SPATA16: variants seen among roughly 807,000 people sequenced by gnomAD.
SPATA16 encodes the protein spermatogenesis associated 16.
In SPATA16, 36 loss-of-function variants were observed where a neutral mutation model predicts 63.3. The observed-to-expected ratio is 0.57, with a 90% CI of 0.44 to 0.75. The LOEUF (loss-of-function observed/expected upper bound fraction) is 0.75, where lower values mean the gene tolerates loss of function less well. Ranked by LOEUF, SPATA16 falls within the 30% of genes least tolerant of loss-of-function variation. The probability of loss-of-function intolerance (pLI) is 0.00; values close to 1 mark genes in which losing one functional copy is unlikely to be tolerated. For missense variants in SPATA16, 646 were observed against 679.3 expected (o/e 0.95, Z 0.54); for synonymous variants, 203 against 216.7 (o/e 0.94, Z 0.56).
At chr3:172,984,915 A>C (rs962710873) in intron 4 of SPATA16, among the ~76,000 whole-genome samples, 7 of 152,188 alleles carry the variant, frequency 4.6e-5, no homozygotes, top group African/African-American at 1.7e-4. Context: ...CATCTCATTT[A>C]ATTCCTAAAA....
intron 4 of SPATA16, among the ~76,000 whole-genome samples, chr3:173,010,387 TC>T: frequency 6.6e-6 from 1 of 151,934 alleles, no homozygotes; most frequent in Non-Finnish European, 1.5e-5. Context: ...TGGTTGGGGC[TC>T]CCAGCATAGC....
chr3:173,135,998 C>T (rs1424795936), intron 1 of SPATA16, among the ~76,000 whole-genome samples: 1 of 152,208 alleles, frequency 6.6e-6, no homozygotes, highest in Non-Finnish European at 1.5e-5. Context: ...TCTGAGTTTT[C>T]CTAAGGCAAG....
chr3:173,086,161 G>T (rs1737046369), intron 2 of SPATA16, among the ~76,000 whole-genome samples: 1 of 152,014 alleles, frequency 6.6e-6, no homozygotes, highest in Non-Finnish European at 1.5e-5. Context: ...AATCTGCCTT[G>T]TCCTGGGCTT....
At chr3:173,023,141 G>GTT (rs199946084) in intron 3 of SPATA16, among the ~76,000 whole-genome samples, 1,599 of 146,068 alleles carry the variant, frequency 0.011, 33 homozygotes, top group African/African-American at 0.038. Flanking sequence ...TTGTGTATGT[G>GTT]TGTGTGTGTG....
intron 10 of SPATA16, among the ~76,000 whole-genome samples, chr3:172,891,229 A>G (rs1273170107): frequency 6.6e-6 from 1 of 152,186 alleles, no homozygotes; most frequent in Non-Finnish European, 1.5e-5. Flanking sequence ...TACAATTCTA[A>G]TGCAGCAAAA....
At chr3:173,134,119 T>C (rs1176535701) in intron 1 of SPATA16, among the ~76,000 whole-genome samples, 1 of 152,184 alleles carries the variant, frequency 6.6e-6, no homozygotes, top group Non-Finnish European at 1.5e-5. Context: ...GATGCAAGGA[T>C]AAATTACACC....
At chr3:172,987,928 C>T (rs563943397) in intron 4 of SPATA16, among the ~76,000 whole-genome samples, 1 of 152,138 alleles carries the variant, frequency 6.6e-6, no homozygotes, top group East Asian at 1.9e-4. Context: ...CTGATCTCTG[C>T]TTGGGTAGGA....
At chr3:173,123,662 G>T (rs1336351074) in intron 1 of SPATA16, among the ~76,000 whole-genome samples, 1 of 148,256 alleles carries the variant, frequency 6.7e-6, no homozygotes, top group Non-Finnish European at 1.5e-5. Context: ...GGAGTGCAAT[G>T]GTGTGATCTC....
At chr3:172,892,684 C>G (rs1199577414) in intron 10 of SPATA16, among the ~76,000 whole-genome samples, 1 of 151,946 alleles carries the variant, frequency 6.6e-6, no homozygotes, top group Non-Finnish European at 1.5e-5. Flanking sequence ...ACTAGAAGAA[C>G]AGATTGCAAA....
chr3:173,054,649 G>C (rs1217036060), intron 2 of SPATA16, among the ~76,000 whole-genome samples: 1 of 152,034 alleles, frequency 6.6e-6, no homozygotes, highest in Non-Finnish European at 1.5e-5. Flanking sequence ...GGGGTTTGAG[G>C]GGAGGGAACT....
At chr3:172,914,848 CTT>C (rs1732444361) in intron 9 of SPATA16, among the ~76,000 whole-genome samples, 1 of 151,584 alleles carries the variant, frequency 6.6e-6, no homozygotes. Context: ...GTTTGAGGCT[CTT>C]TGTATATATT....
chr3:172,959,548 A>G (rs1338824719), intron 5 of SPATA16, among the ~76,000 whole-genome samples: 3 of 152,138 alleles, frequency 2.0e-5, no homozygotes, highest in African/African-American at 7.2e-5. Flanking sequence ...AGAGTATGTA[A>G]TTTACAAATA....
At chr3:173,047,161 A>T (rs959125283) in intron 3 of SPATA16, among the ~76,000 whole-genome samples, 1 of 151,328 alleles carries the variant, frequency 6.6e-6, no homozygotes, top group Non-Finnish European at 1.5e-5. Context: ...TGTGGTTCTT[A>T]TATTTGGATT....
intron 2 of SPATA16, among the ~76,000 whole-genome samples, chr3:173,087,792 G>T (rs1198983492): frequency 2.0e-5 from 3 of 152,076 alleles, no homozygotes; most frequent in Non-Finnish European, 1.5e-5. Context: ...AGCTTAGTTT[G>T]GTTGGATATG....
At chr3:173,001,350 A>C (rs1332627721) in intron 4 of SPATA16, among the ~76,000 whole-genome samples, 1 of 149,904 alleles carries the variant, frequency 6.7e-6, no homozygotes, top group Non-Finnish European at 1.5e-5. Flanking sequence ...TCTCTCAGGT[A>C]AATTAGGTTC....
chr3:173,025,494 C>A (rs2108280252), intron 3 of SPATA16, among the ~76,000 whole-genome samples: 1 of 151,830 alleles, frequency 6.6e-6, no homozygotes, highest in Non-Finnish European at 1.5e-5. Flanking sequence ...CAGTAGTATT[C>A]ACTTTTTAAA....
At chr3:173,131,107 C>T (rs1738372307) in intron 1 of SPATA16, among the ~76,000 whole-genome samples, 1 of 151,994 alleles carries the variant, frequency 6.6e-6, no homozygotes, top group East Asian at 1.9e-4. Context: ...TAATATTTCC[C>T]CAGTTGATCT....
At chr3:172,962,434 GGTT>G (rs1560080971) in intron 5 of SPATA16, among the ~76,000 whole-genome samples, 2 of 151,820 alleles carry the variant, frequency 1.3e-5, no homozygotes. Context: ...TGAAATTTGG[GGTT>G]GTTTGTTATA....
At chr3:172,914,623 A>G (rs1188878283) in intron 9 of SPATA16, among the ~76,000 whole-genome samples, 2 of 152,154 alleles carry the variant, frequency 1.3e-5, no homozygotes, top group Non-Finnish European at 2.9e-5. Context: ...AGGTTAACCC[A>G]CACTTGTAAG....
Sources: gnomAD v4.1 joint callset for allele counts (sites outside exome capture counted in the v4.1 genomes callset) on GRCh38, gnomAD v4.1.1 for gene constraint, MANE v1.5 for transcripts, NCBI Gene and HGNC (gene_info 2026-07-23, HGNC 2026-07-21) for gene names.